The following ARHGEF33 variants were observed in gnomAD, a reference collection of about 807,000 sequenced individuals.
The protein encoded by ARHGEF33 is Rho guanine nucleotide exchange factor 33.
Under a neutral mutation model 101.9 loss-of-function variants are expected in ARHGEF33, and 72 were observed. That is an observed-to-expected ratio of 0.71 (90% CI 0.58 to 0.86). The LOEUF (loss-of-function observed/expected upper bound fraction) is 0.86, where lower values mean the gene tolerates loss of function less well. Among genes scored for constraint, ARHGEF33 ranks in the 40% least tolerant of loss-of-function variants. The pLI, the probability that ARHGEF33 is intolerant of heterozygous loss-of-function variation, is 0.00. For synonymous variants in ARHGEF33, 499 were observed against 442.5 expected (o/e 1.13, Z -1.60); for missense variants, 1,169 against 1,111.3 (o/e 1.05, Z -0.74).
chr2:38,939,004 G>T (rs886832128), intron 9 of ARHGEF33, among the ~76,000 whole-genome samples: 2 of 151,966 alleles, frequency 1.3e-5, no homozygotes, highest in African/African-American at 2.4e-5. Flanking sequence ...ACAGAGTCTT[G>T]CTCTTTCACT....
chr2:38,891,100 A>G (rs1276792391), intron 1 of ARHGEF33, among the ~76,000 whole-genome samples: 4 of 151,608 alleles, frequency 2.6e-5, no homozygotes, highest in African/African-American at 9.7e-5. Context: ...CACCCGGCTA[A>G]TTTTTGTATT....
At chr2:38,933,813 G>A (rs1457288083) in intron 7 of ARHGEF33, among the ~76,000 whole-genome samples, 1 of 152,204 alleles carries the variant, frequency 6.6e-6, no homozygotes, top group Non-Finnish European at 1.5e-5. Flanking sequence ...AAGGGGTGGG[G>A]ATAATTGGAG....
chr2:38,902,627 T>A (rs1666274679), intron 2 of ARHGEF33, among the ~76,000 whole-genome samples: 1 of 152,178 alleles, frequency 6.6e-6, no homozygotes, highest in Non-Finnish European at 1.5e-5. Context: ...GGGTGCAGTT[T>A]TGTTTCGTTT....
intron 2 of ARHGEF33, among the ~76,000 whole-genome samples, chr2:38,898,669 T>C (rs1226397233): frequency 2.0e-5 from 3 of 152,346 alleles, no homozygotes; most frequent in African/African-American, 7.2e-5. Flanking sequence ...TAACCTAATA[T>C]ACTTAAAAAA....
At chr2:38,895,298 G>C (rs1248125971) in intron 1 of ARHGEF33, among the ~76,000 whole-genome samples, 1 of 152,160 alleles carries the variant, frequency 6.6e-6, no homozygotes, top group South Asian at 2.1e-4. Flanking sequence ...TTTGAGTATA[G>C]ATCACTTCAA....
intron 10 of ARHGEF33, among the ~76,000 whole-genome samples, chr2:38,946,429 C>G (rs1667452527): frequency 6.6e-6 from 1 of 151,934 alleles, no homozygotes; most frequent in Non-Finnish European, 1.5e-5. Context: ...GCTAGACTAA[C>G]CTTCTTTTTT....
chr2:38,927,450 C>A (rs1444612896), intron 4 of ARHGEF33, among the ~76,000 whole-genome samples: 1 of 152,232 alleles, frequency 6.6e-6, no homozygotes, highest in Non-Finnish European at 1.5e-5. Context: ...AATCCCAGCA[C>A]TTTGGGAGGC....
chr2:38,962,405 C>G (rs1448271519), intron 16 of ARHGEF33, among the ~76,000 whole-genome samples: 2 of 152,048 alleles, frequency 1.3e-5, no homozygotes, highest in Non-Finnish European at 2.9e-5. Flanking sequence ...AATTGTAAGG[C>G]AAAAACCATT....
intron 8 of ARHGEF33, chr2:38,937,126 C>T (rs1219872601): frequency 3.0e-5 from 14 of 471,580 alleles, no homozygotes; most frequent in Middle Eastern, 5.8e-4. Flanking sequence ...TCCTGAGTAG[C>T]TGGGACTACA....
chr2:38,904,694 C>A (rs193153190), intron 2 of ARHGEF33, among the ~76,000 whole-genome samples: 10 of 117,362 alleles, frequency 8.5e-5, no homozygotes, highest in African/African-American at 3.0e-4. Flanking sequence ...GGAGACGGAG[C>A]GAGACTCTGT....
At chr2:38,949,147 A>G (rs978118717) in intron 10 of ARHGEF33, among the ~76,000 whole-genome samples, 2 of 152,066 alleles carry the variant, frequency 1.3e-5, no homozygotes, top group African/African-American at 2.4e-5. Context: ...AAATGAGTTG[A>G]AAAAAACCTC....
At chr2:38,894,134 C>T (rs973837568) in intron 1 of ARHGEF33, among the ~76,000 whole-genome samples, 41 of 152,030 alleles carry the variant, frequency 2.7e-4, no homozygotes, top group Non-Finnish European at 1.0e-4. Flanking sequence ...GCTTGGGCAA[C>T]GTGGCAAAAC....
chr2:38,951,523 T>A (rs990635818), intron 11 of ARHGEF33, among the ~76,000 whole-genome samples: 1 of 151,998 alleles, frequency 6.6e-6, no homozygotes, highest in African/African-American at 2.4e-5. Context: ...TCCCAACACT[T>A]TGGGAGGCTG....
At chr2:38,901,333 G>A (rs952850867) in intron 2 of ARHGEF33, among the ~76,000 whole-genome samples, 2 of 152,074 alleles carry the variant, frequency 1.3e-5, no homozygotes, top group East Asian at 1.9e-4. Context: ...CCTTCATCCC[G>A]CTCTAACACC....
chr2:38,906,861 G>A (rs1572741588), intron 2 of ARHGEF33, among the ~76,000 whole-genome samples: 1 of 151,922 alleles, frequency 6.6e-6, no homozygotes, highest in East Asian at 1.9e-4. Context: ...AGGCAGCTGA[G>A]GTGGGAAGAT....
intron 11 of ARHGEF33, among the ~76,000 whole-genome samples, chr2:38,951,743 C>CAT (rs58037794): frequency 0.049 from 7,417 of 151,464 alleles, 341 homozygotes; most frequent in African/African-American, 0.12. Flanking sequence ...CACACACATG[C>CAT]ATATATATAT....
chr2:38,936,256 A>T (rs541706373), intron 8 of ARHGEF33, among the ~76,000 whole-genome samples: 1 of 152,242 alleles, frequency 6.6e-6, no homozygotes, highest in African/African-American at 2.4e-5. Context: ...AAGATAAAAG[A>T]AAACAAAATT....
At chr2:38,901,104 C>T (rs183187457) in intron 2 of ARHGEF33, among the ~76,000 whole-genome samples, 10 of 152,334 alleles carry the variant, frequency 6.6e-5, no homozygotes, top group Admixed American at 6.5e-4. Context: ...CACACACACA[C>T]ACCTGCCCTC....
chr2:38,892,146 C>T (rs1341927462), intron 1 of ARHGEF33, among the ~76,000 whole-genome samples: 4 of 152,100 alleles, frequency 2.6e-5, no homozygotes, highest in Non-Finnish European at 5.9e-5. Flanking sequence ...AATTTATTTC[C>T]TGAGAATGAG....
Sources: gnomAD v4.1 joint callset for allele counts (sites outside exome capture counted in the v4.1 genomes callset) on GRCh38, gnomAD v4.1.1 for gene constraint, MANE v1.5 for transcripts, NCBI Gene and HGNC (gene_info 2026-07-23, HGNC 2026-07-21) for gene names.